Variants in NOP2 observed in about 807,000 individuals in gnomAD.
NOP2 encodes the protein 28S rRNA (cytosine(4447)-C(5))-methyltransferase.
In NOP2, 7 loss-of-function variants were observed where a neutral mutation model predicts 72.7. That is an observed-to-expected ratio of 0.10 (90% confidence interval 0.05 to 0.18). The LOEUF is 0.18. Among genes scored for constraint, NOP2 ranks in the 10% least tolerant of loss-of-function variants. NOP2 has a pLI of 1.00. For missense variants in NOP2, 954 were observed against 1,014.7 expected (o/e 0.94, Z 0.81); for synonymous variants, 387 against 388.0 (o/e 1.00, Z 0.03).
At position 6,564,095 on chromosome 12, in the gene NOP2, G is replaced by A. The variant is rs1947717390; in HGVS notation, c.475-149C>T. 7 of 1,520,674 alleles carry A rather than the reference G, an allele frequency of 4.6e-6. No individual in the cohort carries two copies. The South Asian group carries it at 8.4e-5, about 18-fold the overall frequency. 94.2% of individuals were successfully genotyped at this position (1,520,674 alleles called of 1,614,324 possible). On this transcript the variant is annotated intron_variant, in intron 5 of 15. Transcript: ENST00000322166. ...AGGAGCAAAGAAATGAAAATAAGAT[G>A]GGCGCAGCATTGCTCACTGTTGAAA... is the stretch of plus-strand genomic sequence containing the variant.
chr12:6,565,956 G>A (rs1947768749), intron 5 of NOP2, 145 bp downstream of exon 5: 3 of 659,556 alleles, frequency 4.5e-6, no homozygotes, highest in Non-Finnish European at 5.3e-6. Context: ...GAGGATATAA[G>A]GCAGTAGGGA....
intron 9 of NOP2, among the ~76,000 whole-genome samples, 175 bp downstream of exon 9, chr12:6,562,906 G>C (rs1016213718): frequency 6.6e-6 from 1 of 152,144 alleles, no homozygotes; most frequent in East Asian, 1.9e-4. Context: ...TTCCACAGAG[G>C]TCCTAGGCCC....
At chr12:6,564,228 AC>A (rs1464784342) in intron 5 of NOP2, 1 of 542,882 alleles carries the variant, frequency 1.8e-6, no homozygotes, top group African/African-American at 2.1e-5. Flanking sequence ...GTGAGCCAAG[AC>A]CGAGCCACTG....
At position 6,557,172 on chromosome 12, in the gene NOP2, C is replaced by T; in HGVS notation, c.2260G>A (p.Gly754Arg). 1.2e-6 allele frequency: 2 copies of T among 1,614,010 alleles called. No homozygotes were observed. Among genetic ancestry groups the T allele is most frequent in the Non-Finnish European group, 1.7e-6 (2 of 1,179,894 alleles). Residue 754 changes from glycine (G) to arginine (R), a missense_variant, in exon 16 of 16, where the codon GGG becomes AGG. Transcript: ENST00000322166. ...DHHQPLGRAK[G>R]VEKQQLPEQP... ...TCTGGCAACTGCTGCTTCTCAACCCCCTTGGCCCTTCCAAGGGGCTGATGA... is the reference window on the plus strand; with the variant it reads ...TCTGGCAACTGCTGCTTCTCAACCCTCTTGGCCCTTCCAAGGGGCTGATGA...
In NOP2 at chr12:6,557,599, C is replaced by A. The variant is rs747749587; in HGVS notation, c.1833G>T (p.Gln611His). The A allele has an allele frequency of 2.5e-6, 4 of 1,613,586 alleles. No homozygotes were observed. In the South Asian group the frequency reaches 4.4e-5, roughly 18 times the overall value. The change falls in exon 16 of 16, where the codon CAG (glutamine) becomes CAT (histidine). Residue 611 changes from glutamine to histidine, a missense_variant. This residue lies in a region of NOP2 where 269 missense variants were observed against 260.2 expected (regional missense o/e 1.03). Transcript: ENST00000322166. ...TATPTNVDLP[Q>H]VIPKSENSSQ... is the part of the protein sequence containing the mutation. ...TGCTGTTCTCAGACTTGGGGATGAC[C>A]TGAGGCAAGTCTACATTTGTAGGTG...
Position 6,557,290 on chromosome 12 carries a change from G to A in NOP2, c.2142C>T (p.Leu714=). 1 of 1,614,022 alleles carries A rather than the reference G, an allele frequency of 6.2e-7. No individual in the cohort carries two copies. The highest frequency in any genetic ancestry group is 1.3e-5 in the African/African-American group (1 of 75,040). ...TGCCCTTGGGAGGGGCATTCTGCCT[G>A]AGGAAAGCAACTTTCTTGGAGGACT... is the stretch of plus-strand genomic sequence containing the variant. ...KLQSSKKVAF[L]RQNAPPKGTD... The change falls in exon 16 of 16, where the codon CTC becomes CTT. Residue 714 remains leucine, a synonymous_variant. Transcript: ENST00000322166.
At position 6,560,041 on chromosome 12, in the gene NOP2, C is replaced by G; in HGVS notation, c.1789+57G>C. On this transcript the variant is annotated intron_variant, in intron 15 of 15. Transcript: ENST00000322166. The surrounding 1 kb of genome is among the most constrained non-coding windows in gnomAD (Gnocchi z 5.0). ...CCTTCCTCTTGTCACACCATAAAGC[C>G]TCCTGAAAGGTGGAAAGAGCAAAGG... is the stretch of plus-strand genomic sequence containing the variant. 1 of 1,292,430 alleles carries G rather than the reference C, an allele frequency of 7.7e-7. No homozygotes were observed. Among genetic ancestry groups the G allele is most frequent in the South Asian group, 1.2e-5 (1 of 82,876 alleles). 80.1% of individuals were successfully genotyped at this position (1,292,430 alleles called of 1,614,324 possible).
rs200914055 is a variant in NOP2 at position 6,557,249 on chromosome 12, G to A, written c.2183C>T (p.Pro728Leu). ...APPKGTDTQT[P>L]AVLSPSKTQA... The stretch of plus-strand genomic sequence containing the variant: ...AGTCTTGGATGGGGATAACACAGCC[G>A]GTGTTTGTGTGTCTGTGCCCTTGGG... Residue 728 changes from proline to leucine, a missense_variant, in exon 16 of 16, where the codon CCG becomes CTG. Physicochemically the swap from Pro to Leu is moderately conservative, Grantham distance 98. Coordinates refer to ENST00000322166, the MANE Select transcript of NOP2 (RefSeq NM_001258308.2). 2.8e-4 allele frequency: 446 copies of A among 1,613,960 alleles called. No homozygotes were observed. The African/African-American group carries it at 3.9e-3, about 14-fold the overall frequency.
chr12:6,564,349 C>A, intron 5 of NOP2: 1 of 175,804 alleles, frequency 5.7e-6, no homozygotes, highest in Non-Finnish European at 1.2e-5. Flanking sequence ...TTATGTTTTT[C>A]ACTTTTCCAT....
Position 6,556,984 on chromosome 12 carries a change from T to G in NOP2, c.*9A>C, listed in dbSNP as rs1947492524. The G allele has an allele frequency of 6.2e-7, 1 of 1,613,432 alleles. No homozygotes were observed. The highest frequency in any genetic ancestry group is 1.7e-5 in the Admixed American group (1 of 59,826). On this transcript the variant is annotated 3_prime_UTR_variant, in exon 16 of 16. Transcript: ENST00000322166. ...ATGGCAGTGAGCCACCCGTCTAGTT[T>G]TCAACCATCTAAGATAGCAGCAGCT...
At chr12:6,561,580 T>C in intron 11 of NOP2, 84 bp downstream of exon 11, 1 of 1,548,568 alleles carries the variant, frequency 6.5e-7, no homozygotes, top group Non-Finnish European at 8.8e-7. Context: ...CCATGAGCAC[T>C]AGTGAGTCAG....
chr12:6,563,984 T>G, intron 5 of NOP2, 38 bp from the exon 6 acceptor site: 1 of 1,604,610 alleles, frequency 6.2e-7, no homozygotes, highest in Non-Finnish European at 8.5e-7. Flanking sequence ...AGGCCTGCCC[T>G]TCCATCAGCC....
chr12:6,560,423 G>C lies in NOP2; in HGVS notation c.1560+24C>G. 1 of 1,591,878 alleles carries C rather than the reference G, an allele frequency of 6.3e-7. No individual in the cohort carries two copies. ...AGAGCCCCCCAGCCCAGCCTCCCCT[G>C]CTCTGCCATGGCAGAGGTCTCACTG... On this transcript the variant is annotated intron_variant, in intron 14 of 15. Transcript: ENST00000322166. This position sits in a 1 kb window ranked among gnomAD's most constrained non-coding sequence, Gnocchi z 5.0.
At chr12:6,564,967 C>G (rs560534132) in intron 5 of NOP2, among the ~76,000 whole-genome samples, 1 of 151,988 alleles carries the variant, frequency 6.6e-6, no homozygotes, top group South Asian at 2.1e-4. Flanking sequence ...TAATAATGAC[C>G]CTGTAGATAC....
intron 2 of NOP2, chr12:6,567,355 G>C (rs893279097): frequency 1.1e-5 from 2 of 184,486 alleles, no homozygotes; most frequent in Non-Finnish European, 1.1e-5. Context: ...ACAAACTCCC[G>C]GTCCAGTGTT....
In NOP2 at chr12:6,566,156, G is replaced by C; in HGVS notation, c.419C>G (p.Thr140Arg). Residue 140 changes from threonine (T) to arginine (R), a missense_variant, in exon 5 of 16, where the codon ACG becomes AGG. Thr to Arg is a moderately conservative substitution (Grantham distance 71). Around this residue, in one of 3 missense-constraint regions of NOP2, gnomAD observed 498 missense variants for 478.3 expected, o/e 1.04. Transcript: ENST00000322166. ...DLWGSEDDAD[T>R]VDDYGADSNS... ...GGAGTCAGCTCCATAGTCATCTACC[G>C]TATCAGCATCGTCCTCGGAGCCCCA... is the stretch of plus-strand genomic sequence containing the variant. 1.9e-6 allele frequency: 3 copies of C among 1,613,838 alleles called. No individual in the cohort carries two copies. The highest frequency in any genetic ancestry group is 1.7e-6 in the Non-Finnish European group (2 of 1,179,830).
In NOP2 at chr12:6,557,005, C is replaced by A. The variant is rs1417009002; in HGVS notation, c.2427G>T (p.Leu809=). 3 of 1,613,908 alleles carry A rather than the reference C, an allele frequency of 1.9e-6. No individual in the cohort carries two copies. In the African/African-American group the frequency reaches 4.0e-5, roughly 22 times the overall value. The change falls in exon 16 of 16, where the codon CTG becomes CTT. Residue 809 remains leucine (L), a synonymous_variant. Transcript: ENST00000322166. ...AGTTTTCAACCATCTAAGATAGCAG[C>A]AGCTGGCTGTTGCCCCTGGACTGAG... ...KKSQSRGNSQ[L]LLS
Position 6,558,547 on chromosome 12 carries a change from G to A in NOP2, c.1790-905C>T, listed in dbSNP as rs545317391. On this transcript the variant is annotated intron_variant, in intron 15 of 15. Coordinates refer to ENST00000322166, the MANE Select transcript of NOP2 (RefSeq NM_001258308.2). Reference sequence around the variant, plus strand: ...CCCAAAGTGCTGGGGTTACAGGCGCGAGCCACCACGCCCGGCCTCGCAGGG... The same window carrying A: ...CCCAAAGTGCTGGGGTTACAGGCGCAAGCCACCACGCCCGGCCTCGCAGGG... 1.3e-4 allele frequency among the ~76,000 whole-genome samples: 20 copies of A among 151,856 alleles called. 1 individual carries two copies. In the South Asian group the frequency reaches 4.0e-3, roughly 30 times the overall value.
At position 6,560,730 on chromosome 12, in the gene NOP2, T is replaced by C. The variant is rs767130983; in HGVS notation, c.1405A>G (p.Ile469Val). The C allele has an allele frequency of 1.9e-6, 3 of 1,613,416 alleles. No homozygotes were observed. Among genetic ancestry groups the C allele is most frequent in the Non-Finnish European group, 1.7e-6 (2 of 1,179,766 alleles). The stretch of plus-strand genomic sequence containing the variant: ...GTCTTCACGGCTGGATCCTTGGAGA[T>C]GACCCCAGTGCCACTGCAGGGAGCA... ...LDAPCSGTGV[I>V]SKDPAVKTNK... is the part of the protein sequence containing the mutation. Residue 469 changes from isoleucine (I) to valine (V), a missense_variant, in exon 13 of 16, where the codon ATC becomes GTC. By Grantham distance (29) the Ile-to-Val change is conservative. Coordinates refer to ENST00000322166, the MANE Select transcript of NOP2 (RefSeq NM_001258308.2). The surrounding 1 kb of genome is among the most constrained non-coding windows in gnomAD (Gnocchi z 5.0).
Sources: gnomAD v4.1 joint callset for allele counts (sites outside exome capture counted in the v4.1 genomes callset) on GRCh38, gnomAD v4.1.1 for gene constraint, gnomAD v4.1.1 regional missense constraint, Gnocchi (gnomAD v3.1) non-coding constraint, MANE v1.5 for transcripts, NCBI Gene and HGNC (gene_info 2026-07-23, HGNC 2026-07-21) for gene names.